The following TNXB variants were observed in gnomAD, a reference collection of about 807,000 sequenced individuals.
TNXB encodes the protein tenascin-X.
Under a neutral mutation model 340.5 loss-of-function variants are expected in TNXB, and 183 were observed. That is an observed-to-expected ratio of 0.54 (90% confidence interval 0.48 to 0.61). TNXB has a LOEUF of 0.61. Ranked by LOEUF, TNXB falls within the 20% of genes least tolerant of loss-of-function variation. The pLI is 0.00. For missense variants in TNXB, 4,613 were observed against 5,446.4 expected (o/e 0.85, Z 4.82); for synonymous variants, 2,121 against 2,314.5 (o/e 0.92, Z 2.40).
intron 24 of TNXB, among the ~76,000 whole-genome samples, chr6:32,054,603 G>T (rs1486557981): frequency 6.6e-6 from 1 of 152,196 alleles, no homozygotes; most frequent in African/African-American, 2.4e-5. Context: ...CTGTCCCCTG[G>T]GTACTTGTGG....
chr6:32,072,276 G>A lies in TNXB; in HGVS notation c.4704C>T (p.Ala1568=). 1 of 1,602,764 alleles carries A rather than the reference G, an allele frequency of 6.2e-7. No homozygotes were observed. Among genetic ancestry groups the A allele is most frequent in the Non-Finnish European group, 8.5e-7 (1 of 1,173,442 alleles). ...IVTAPLPPAP[A]TEASKPPLEP... is the part of the protein sequence containing the mutation. Reference sequence around the variant, plus strand: ...CCAGGGGAGGCTTGGAGGCCTCTGTGGCTGGGGCTGGTGGGAGGGGAGCTG... The same window carrying A: ...CCAGGGGAGGCTTGGAGGCCTCTGTAGCTGGGGCTGGTGGGAGGGGAGCTG... The change falls in exon 13 of 44, where the codon GCC becomes GCT. Residue 1568 remains alanine, a synonymous_variant. Coordinates refer to ENST00000644971, the MANE Select transcript of TNXB (RefSeq NM_001365276.2). The surrounding 1 kb of genome is among the most constrained non-coding windows in gnomAD (Gnocchi z 4.4).
In TNXB at chr6:32,087,093, G is replaced by T. The variant is rs556440079; in HGVS notation, c.2780-975C>A. Among the ~76,000 whole-genome samples, 50 of 152,234 alleles carry T rather than the reference G, an allele frequency of 3.3e-4. No individual in the cohort carries two copies. The highest frequency in any genetic ancestry group is 6.3e-4 in the Non-Finnish European group (43 of 68,038). On this transcript the variant is annotated intron_variant, in intron 6 of 43. Coordinates refer to ENST00000644971, the MANE Select transcript of TNXB (RefSeq NM_001365276.2). This position sits in a 1 kb window ranked among gnomAD's most constrained non-coding sequence, Gnocchi z 9.0. Reference sequence around the variant, plus strand: ...CGTCTTCTAGGGACAATGGACTCGTGCTTTGTCCTGGGGGCCCCCTGGAGC... The same window carrying T: ...CGTCTTCTAGGGACAATGGACTCGTTCTTTGTCCTGGGGGCCCCCTGGAGC...
chr6:32,065,171 C>T, intron 18 of TNXB, 54 bp from the exon 19 acceptor site: 1 of 1,450,808 alleles, frequency 6.9e-7, no homozygotes, highest in South Asian at 1.4e-5. Context: ...GGTGTTGAGG[C>T]CCCAGCTGTC....
In TNXB at chr6:32,062,355, T is replaced by C. The variant is rs769788487; in HGVS notation, c.6970A>G (p.Thr2324Ala). ...ATPDSLSLSWTVPEGQFDHFL... is the reference protein window; with the variant it reads ...ATPDSLSLSWAVPEGQFDHFL... Reference sequence around the variant, plus strand: ...TGGTCAAACTGTCCCTCGGGAACCGTCCAGGACAGGCTGAGGGAGTCAGGG... The same window carrying C: ...TGGTCAAACTGTCCCTCGGGAACCGCCCAGGACAGGCTGAGGGAGTCAGGG... The change falls in exon 20 of 44, where the codon ACG (threonine) becomes GCG (alanine). Residue 2324 changes from threonine to alanine, a missense_variant. Thr to Ala is a moderately conservative substitution (Grantham distance 58). Around this residue, in one of 7 missense-constraint regions of TNXB, gnomAD observed 4,327 missense variants for 4,859.4 expected, o/e 0.89. Transcript: ENST00000644971. The surrounding 1 kb of genome is among the most constrained non-coding windows in gnomAD (Gnocchi z 4.3). The C allele has an allele frequency of 6.2e-7, 1 of 1,613,504 alleles. No individual in the cohort carries two copies. The highest frequency in any genetic ancestry group is 8.5e-7 in the Non-Finnish European group (1 of 1,179,866).
intron 23 of TNXB, 57 bp downstream of exon 23, chr6:32,056,529 G>A: frequency 6.3e-7 from 1 of 1,588,120 alleles, no homozygotes; most frequent in Non-Finnish European, 8.6e-7. Context: ...CATCACCAAA[G>A]AGCAAGAGGG....
Position 32,085,647 on chromosome 6 carries a change from C to A in TNXB, c.3148+103G>T, listed in dbSNP as rs963085681. ...TATCCAGCCCCAAACATCAGCCCTG[C>A]CCTTCACTGGCCCCTCAATATCCAT... On this transcript the variant is annotated intron_variant, in intron 7 of 43. Transcript: ENST00000644971. The surrounding 1 kb of genome is among the most constrained non-coding windows in gnomAD (Gnocchi z 6.4). The A allele has an allele frequency of 1.6e-5, 21 of 1,334,674 alleles. No individual in the cohort carries two copies. The highest frequency in any genetic ancestry group is 2.9e-5 in the Admixed American group (1 of 34,618). 82.7% of individuals were successfully genotyped at this position (1,334,674 alleles called of 1,614,324 possible).
Position 32,048,643 on chromosome 6 carries a change from C to A in TNXB, c.9765G>T (p.Leu3255=). Residue 3255 remains leucine, a synonymous_variant, in exon 29 of 44, where the codon CTG becomes CTT. Transcript: ENST00000644971. ...GGGGCTCCACCGGCAGTGGTGTGGG[C>A]AGGGGCGCTGAAAAGAGCAGAGCAG... ...PVSTVGITAP[L]PTPLPVEPRL... 6.7e-7 allele frequency: 1 copy of A among 1,481,784 alleles called. No homozygotes were observed. The highest frequency in any genetic ancestry group is 9.0e-7 in the Non-Finnish European group (1 of 1,110,442). 91.8% of individuals were successfully genotyped at this position (1,481,784 alleles called of 1,614,324 possible). A position where few individuals can be genotyped will look rare whatever the true frequency, so the allele number is the denominator to read the frequency against.
At chr6:32,056,310 G>A in intron 23 of TNXB, 136 bp from the exon 24 acceptor site, 4 of 1,236,322 alleles carry the variant, frequency 3.2e-6, no homozygotes, top group Non-Finnish European at 4.4e-6. Flanking sequence ...GGGGCTGGGT[G>A]GTCCTGCTCA....
In TNXB at chr6:32,046,489, A is replaced by G; in HGVS notation, c.10325-33T>C. 1 of 1,525,812 alleles carries G rather than the reference A, an allele frequency of 6.6e-7. No homozygotes were observed. The highest frequency in any genetic ancestry group is 1.3e-5 in the South Asian group (1 of 77,522). The allele number at this position is 1,525,812 out of a possible 1,614,324, so 94.5% of individuals were successfully genotyped here. A position where few individuals can be genotyped will look rare whatever the true frequency, so the allele number is the denominator to read the frequency against. Reference sequence around the variant, plus strand: ...GAGGGAGGAGGGAAAGCTCTTAGTCACATGCTGCCTTTGCCTAAGCCCTGG... The same window carrying G: ...GAGGGAGGAGGGAAAGCTCTTAGTCGCATGCTGCCTTTGCCTAAGCCCTGG... On this transcript the variant is annotated intron_variant, in intron 30 of 43. Transcript: ENST00000644971. This position sits in a 1 kb window ranked among gnomAD's most constrained non-coding sequence, Gnocchi z 6.9.
Position 32,053,534 on chromosome 6 carries a change from T to G in TNXB, c.8645A>C (p.Asp2882Ala). 6.2e-7 allele frequency: 1 copy of G among 1,613,616 alleles called. No homozygotes were observed. Among genetic ancestry groups the G allele is most frequent in the South Asian group, 1.1e-5 (1 of 91,072 alleles). ...DHFLVQYRNGDGQPKVVRVPG... is the reference protein window; with the variant it reads ...DHFLVQYRNGAGQPKVVRVPG... ...CACCCGCACCACCTTGGGCTGCCCA[T>G]CCCCATTCCTGTACTGGACCAGGAA... The change falls in exon 25 of 44, where the codon GAT (aspartate) becomes GCT (alanine). Residue 2882 changes from aspartate (D) to alanine (A), a missense_variant. By Grantham distance (126) the Asp-to-Ala change is moderately radical. Coordinates refer to ENST00000644971, the MANE Select transcript of TNXB (RefSeq NM_001365276.2).
chr6:32,080,957 A>T lies in TNXB; in HGVS notation c.4042+411T>A, dbSNP rs1335670916. ...CTCTGAACACAGCAGAAATGGCAGG[A>T]GGTTGTGGGCAGCAGGTGACAGAAG... On this transcript the variant is annotated intron_variant, in intron 10 of 43. Coordinates refer to ENST00000644971, the MANE Select transcript of TNXB (RefSeq NM_001365276.2). This position sits in a 1 kb window ranked among gnomAD's most constrained non-coding sequence, Gnocchi z 4.3. Among the ~76,000 whole-genome samples the T allele has an allele frequency of 4.6e-5, 7 of 152,160 alleles. No individual in the cohort carries two copies. The highest frequency in any genetic ancestry group is 9.7e-5 in the African/African-American group (4 of 41,434).
chr6:32,065,680 C>T (rs1423831336), intron 18 of TNXB, among the ~76,000 whole-genome samples: 1 of 152,052 alleles, frequency 6.6e-6, no homozygotes, highest in South Asian at 2.1e-4. Flanking sequence ...AGTGCAGTGG[C>T]GCGATCTTGG....
In TNXB at chr6:32,089,127, C is replaced by T; in HGVS notation, c.2516-79G>A. ...TCTTTCCTTCCAAGAGCCTAGCCCC[C>T]ATCCAGCCCCTTCCTTCTGCCCTCC... On this transcript the variant is annotated intron_variant, in intron 5 of 43. Coordinates refer to ENST00000644971, the MANE Select transcript of TNXB (RefSeq NM_001365276.2). This position sits in a 1 kb window ranked among gnomAD's most constrained non-coding sequence, Gnocchi z 6.2. The T allele has an allele frequency of 6.3e-7, 1 of 1,575,366 alleles. No individual in the cohort carries two copies. Among genetic ancestry groups the T allele is most frequent in the Non-Finnish European group, 8.6e-7 (1 of 1,159,214 alleles).
In TNXB at chr6:32,064,082, A is replaced by G. The variant is rs985380445; in HGVS notation, c.6841+739T>C. Among the ~76,000 whole-genome samples the G allele has an allele frequency of 3.3e-5, 5 of 152,142 alleles. No individual in the cohort carries two copies. The highest frequency in any genetic ancestry group is 7.4e-5 in the Non-Finnish European group (5 of 68,020). On this transcript the variant is annotated intron_variant, in intron 19 of 43. Transcript: ENST00000644971. The surrounding 1 kb of genome is among the most constrained non-coding windows in gnomAD (Gnocchi z 5.3). ...TACCTACCTTCCTCAGAAGGGAAAG[A>G]CTGCAGTTATCTCTCATTGTGTGTG...
rs759368217 is a variant in TNXB at position 32,088,863 on chromosome 6, C to T, written c.2701G>A (p.Gly901Ser). The T allele has an allele frequency of 3.2e-6, 5 of 1,584,518 alleles. No individual in the cohort carries two copies. The highest frequency in any genetic ancestry group is 1.8e-5 in the Admixed American group (1 of 55,002). Residue 901 changes from glycine to serine, a missense_variant, in exon 6 of 44, where the codon GGC (glycine) becomes AGC (serine). By Grantham distance (56) the Gly-to-Ser change is moderately conservative. Around this residue, in one of 7 missense-constraint regions of TNXB, gnomAD observed 4,327 missense variants for 4,859.4 expected, o/e 0.89. Coordinates refer to ENST00000644971, the MANE Select transcript of TNXB (RefSeq NM_001365276.2). ...DGTLLTDLMP[G>S]VEYVVTVTAE... ...GTGACAGTCACCACATATTCTACGC[C>T]TGGCATCAGGTCAGTCAGCAGCGTC...
rs1778872967 is a variant in TNXB, at chr6:32,073,118, T to C, written c.4681+529A>G. On this transcript the variant is annotated intron_variant, in intron 12 of 43. Transcript: ENST00000644971. This position sits in a 1 kb window ranked among gnomAD's most constrained non-coding sequence, Gnocchi z 4.6. ...TGGAGAACCTGTGCCCAGGAAGCCA[T>C]GAGGGGCAGGAAGGAGCCCAGAGCA... Among the ~76,000 whole-genome samples, 1 of 152,050 alleles carries C rather than the reference T, an allele frequency of 6.6e-6. No individual in the cohort carries two copies. The highest frequency in any genetic ancestry group is 2.4e-5 in the African/African-American group (1 of 41,380).
In TNXB at chr6:32,064,621, G is replaced by A. The variant is rs1434559235; in HGVS notation, c.6841+200C>T. On this transcript the variant is annotated intron_variant, in intron 19 of 43. Coordinates refer to ENST00000644971, the MANE Select transcript of TNXB (RefSeq NM_001365276.2). The surrounding 1 kb of genome is among the most constrained non-coding windows in gnomAD (Gnocchi z 5.3). ...TTTTCCTGGTCCCCCACCTCTTTGG[G>A]AACCCAAAAAGCCCATGTGTAACGG... Among the ~76,000 whole-genome samples, 1 of 152,096 alleles carries A rather than the reference G, an allele frequency of 6.6e-6. No individual in the cohort carries two copies. Among genetic ancestry groups the A allele is most frequent in the African/African-American group, 2.4e-5 (1 of 41,412 alleles).
In TNXB at chr6:32,052,757, G is replaced by C; in HGVS notation, c.9028C>G (p.Leu3010Val). 1 of 1,613,842 alleles carries C rather than the reference G, an allele frequency of 6.2e-7. No individual in the cohort carries two copies. The highest frequency in any genetic ancestry group is 8.5e-7 in the Non-Finnish European group (1 of 1,179,878). Reference sequence around the variant, plus strand: ...ATCTTGTATTTGCACCCGGGCTCCAGGCCCCCCACGGTGACCTCGCTCTCC... The same window carrying C: ...ATCTTGTATTTGCACCCGGGCTCCACGCCCCCCACGGTGACCTCGCTCTCC... The part of the protein sequence containing the change: ...GEESEVTVGG[L>V]EPGCKYKMHL... The change falls in exon 26 of 44, where the codon CTG (leucine) becomes GTG (valine). Residue 3010 changes from leucine (L) to valine (V), a missense_variant. Physicochemically the swap from Leu to Val is conservative, Grantham distance 32. This residue lies in a region of TNXB where 4,327 missense variants were observed against 4,859.4 expected (regional missense o/e 0.89). Transcript: ENST00000644971. This position sits in a 1 kb window ranked among gnomAD's most constrained non-coding sequence, Gnocchi z 4.7.
At chr6:32,105,321 A>G (rs555949547) in intron 1 of TNXB, among the ~76,000 whole-genome samples, 34 of 152,236 alleles carry the variant, frequency 2.2e-4, no homozygotes, top group Admixed American at 2.2e-3. Flanking sequence ...GTGATATCAC[A>G]GCATCATGCC....
Sources: gnomAD v4.1 joint callset for allele counts (sites outside exome capture counted in the v4.1 genomes callset) on GRCh38, gnomAD v4.1.1 for gene constraint, gnomAD v4.1.1 regional missense constraint, Gnocchi (gnomAD v3.1) non-coding constraint, MANE v1.5 for transcripts, NCBI Gene and HGNC (gene_info 2026-07-23, HGNC 2026-07-21) for gene names.